GPR141: variants seen among roughly 807,000 people sequenced by gnomAD.
GPR141 encodes the protein probable G protein-coupled receptor 141.
In GPR141, 6 loss-of-function variants were observed where a neutral mutation model predicts 6.8. The observed-to-expected ratio is 0.88, with a 90% CI of 0.48 to 1.74. The LOEUF is 1.74. Among genes scored for constraint, GPR141 ranks in the 40% most tolerant of loss-of-function variants. GPR141 has a pLI of 0.01. For synonymous variants in GPR141, 140 were observed against 142.3 expected (o/e 0.98, Z 0.11); for missense variants, 372 against 372.9 (o/e 1.00, Z 0.02).
At chr7:37,719,062 C>T (rs1811186618) in intron 2 of GPR141, among the ~76,000 whole-genome samples, 1 of 152,216 alleles carries the variant, frequency 6.6e-6, no homozygotes, top group Admixed American at 6.5e-5. Context: ...TTTCAGCTTT[C>T]TCCTGTGACC....
At chr7:37,687,324 A>G (rs1809554298) in intron 2 of GPR141, among the ~76,000 whole-genome samples, 2 of 152,120 alleles carry the variant, frequency 1.3e-5, no homozygotes, top group Admixed American at 1.3e-4. Flanking sequence ...AGAAATGGTA[A>G]TGAAAAACCT....
intron 2 of GPR141, among the ~76,000 whole-genome samples, chr7:37,717,673 A>T (rs1374361377): frequency 6.6e-6 from 1 of 152,048 alleles, no homozygotes; most frequent in Non-Finnish European, 1.5e-5. Context: ...CCCTTCTCCC[A>T]GTTTGGCTTG....
intron 2 of GPR141, among the ~76,000 whole-genome samples, chr7:37,719,596 C>T (rs1464411980): frequency 6.6e-6 from 1 of 152,182 alleles, no homozygotes; most frequent in Non-Finnish European, 1.5e-5. Context: ...ACCTTTGCCA[C>T]ACACGTCTGC....
chr7:37,698,082 T>C (rs1193826660), intron 2 of GPR141, among the ~76,000 whole-genome samples: 1 of 152,224 alleles, frequency 6.6e-6, no homozygotes, highest in Non-Finnish European at 1.5e-5. Flanking sequence ...CCTTATTGCC[T>C]AGACTTTCTT....
In GPR141 at chr7:37,732,949, C is replaced by T. The variant is rs183004957; in HGVS notation, c.-14-7431C>T. 1.9e-3 allele frequency among the ~76,000 whole-genome samples: 283 copies of T among 152,178 alleles called. 1 individual carries two copies. Among genetic ancestry groups the T allele is most frequent in the African/African-American group, 6.6e-3 (273 of 41,514 alleles). On this transcript the variant is annotated intron_variant, in intron 2 of 2. Transcript: ENST00000334425. Reference sequence around the variant, plus strand: ...GGAGCTGAGACATGAAGAGGCATTTCCTAGAAGGGAAAATTAGGCTTTAAA... The same window carrying T: ...GGAGCTGAGACATGAAGAGGCATTTTCTAGAAGGGAAAATTAGGCTTTAAA...
intron 2 of GPR141, among the ~76,000 whole-genome samples, chr7:37,737,438 A>T (rs1174690738): frequency 6.6e-6 from 1 of 152,204 alleles, no homozygotes; most frequent in Admixed American, 6.5e-5. Context: ...GAGGAACCAG[A>T]TAAACATACT....
Position 37,691,287 on chromosome 7 carries a change from CCTTT to C in GPR141, c.-15+5705_-15+5708del, listed in dbSNP as rs1210225790. Among the ~76,000 whole-genome samples, 623 of 93,598 alleles carry C rather than the reference CCTTT, an allele frequency of 6.7e-3. 24 individuals are homozygous for C. The highest frequency in any genetic ancestry group is 0.027 in the African/African-American group (596 of 22,386). 61.4% of individuals were successfully genotyped at this position (93,598 alleles called of 152,430 possible). A position where few individuals can be genotyped will look rare whatever the true frequency, so the allele number is the denominator to read the frequency against. On this transcript the variant is annotated intron_variant, in intron 2 of 2. Transcript: ENST00000334425. ...TTTAACCTAGTTACCCAGTCTATAT[CCTTT>C]TTTTTTTTTTTTTTTTTTTTTGAGA...
intron 2 of GPR141, among the ~76,000 whole-genome samples, chr7:37,732,596 A>G (rs1012149425): frequency 3.3e-5 from 5 of 152,212 alleles, no homozygotes; most frequent in Non-Finnish European, 5.9e-5. Context: ...TGGAAAACCT[A>G]TCAGGACTCA....
intron 2 of GPR141, among the ~76,000 whole-genome samples, chr7:37,698,560 G>A (rs1038301468): frequency 2.0e-5 from 3 of 152,090 alleles, no homozygotes; most frequent in Non-Finnish European, 4.4e-5. Flanking sequence ...GGGTAACTGG[G>A]GATTTGCTAT....
rs984009569 is a variant in GPR141 at position 37,694,191 on chromosome 7, A to T, written c.-15+8608A>T. Among the ~76,000 whole-genome samples the T allele has an allele frequency of 2.6e-5, 4 of 152,364 alleles. No homozygotes were observed. In the East Asian group the frequency reaches 5.8e-4, roughly 22 times the overall value. On this transcript the variant is annotated intron_variant, in intron 2 of 2. Transcript: ENST00000334425. ...AGCTCTGAAACCTGTGTCAGGGCACAGTAGTAACTGGAAGGGATGAGAAGC... is the reference window on the plus strand; with the variant it reads ...AGCTCTGAAACCTGTGTCAGGGCACTGTAGTAACTGGAAGGGATGAGAAGC...
At chr7:37,733,152 A>G (rs1235498361) in intron 2 of GPR141, among the ~76,000 whole-genome samples, 1 of 152,152 alleles carries the variant, frequency 6.6e-6, no homozygotes, top group Non-Finnish European at 1.5e-5. Flanking sequence ...GGCTGAGAAG[A>G]TATGGACTTG....
At chr7:37,696,402 T>C (rs1054496826) in intron 2 of GPR141, among the ~76,000 whole-genome samples, 7 of 152,176 alleles carry the variant, frequency 4.6e-5, no homozygotes, top group African/African-American at 1.7e-4. Context: ...ATTGGAATCT[T>C]GTCTAAGAAT....
chr7:37,702,090 AT>A (rs1271591010), intron 2 of GPR141, among the ~76,000 whole-genome samples: 1 of 152,036 alleles, frequency 6.6e-6, no homozygotes, highest in South Asian at 2.1e-4. Context: ...ACTTTTTAAG[AT>A]TTTTTTCTTT....
At chr7:37,696,947 T>C (rs1379635653) in intron 2 of GPR141, among the ~76,000 whole-genome samples, 1 of 152,214 alleles carries the variant, frequency 6.6e-6, no homozygotes, top group African/African-American at 2.4e-5. Context: ...AAAATAGAAA[T>C]GATTTTACCT....
At chr7:37,713,525 G>A (rs953303501) in intron 2 of GPR141, 2 of 152,066 alleles carry the variant, frequency 1.3e-5, no homozygotes, top group African/African-American at 4.8e-5. Flanking sequence ...AATCTGATTG[G>A]TGTTATTCAG....
At chr7:37,720,728 G>C (rs1811283106) in intron 2 of GPR141, among the ~76,000 whole-genome samples, 1 of 136,466 alleles carries the variant, frequency 7.3e-6, no homozygotes, top group Non-Finnish European at 1.5e-5. Context: ...GCAAAAGCCA[G>C]ACTCCGTCTC....
chr7:37,696,651 A>G (rs1440920596), intron 2 of GPR141, among the ~76,000 whole-genome samples: 1 of 151,948 alleles, frequency 6.6e-6, no homozygotes, highest in Non-Finnish European at 1.5e-5. Flanking sequence ...TAGCACATCT[A>G]TGCTGCCTTA....
intron 2 of GPR141, among the ~76,000 whole-genome samples, chr7:37,703,898 C>T (rs552741643): frequency 2.6e-5 from 4 of 152,034 alleles, no homozygotes; most frequent in East Asian, 1.9e-4. Context: ...ATACAACTTT[C>T]GAAAAGTAAT....
rs1420449141 is a variant in GPR141 at position 37,740,578 on chromosome 7, A to G, written c.185A>G (p.His62Arg). The change falls in exon 3 of 3, where the codon CAC (histidine) becomes CGC (arginine). Residue 62 changes from histidine (H) to arginine (R), a missense_variant. Physicochemically the swap from His to Arg is conservative, Grantham distance 29. Coordinates refer to ENST00000334425, the MANE Select transcript of GPR141 (RefSeq NM_001381946.1). ...TMAVINLVVV[H>R]SVFLLTVPFR... ...GCGGTCATTAACTTGGTGGTGGTCC[A>G]CAGCGTTTTTCTGCTGACAGTGCCA... 6.2e-7 allele frequency: 1 copy of G among 1,614,004 alleles called. No homozygotes were observed. Among genetic ancestry groups the G allele is most frequent in the Non-Finnish European group, 8.5e-7 (1 of 1,180,006 alleles).
Sources: allele counts gnomAD v4.1 joint callset (sites outside exome capture counted in the v4.1 genomes callset), GRCh38; gene constraint gnomAD v4.1.1; transcripts MANE v1.5; gene names NCBI Gene and HGNC (gene_info 2026-07-23, HGNC 2026-07-21).